Variants in SMC1B observed in about 807,000 individuals in gnomAD.
SMC1B encodes structural maintenance of chromosomes protein 1B.
In SMC1B, 60 loss-of-function variants were observed where a neutral mutation model predicts 157.9. That is an observed-to-expected ratio of 0.38 (90% CI 0.31 to 0.47). The LOEUF (loss-of-function observed/expected upper bound fraction) is 0.47, where lower values mean the gene tolerates loss of function less well. Ranked by LOEUF, SMC1B falls within the 20% of genes least tolerant of loss-of-function variation. SMC1B has a pLI of 0.99. For missense variants in SMC1B, 1,165 were observed against 1,426.2 expected, an observed-to-expected ratio of 0.82 and a Z score of 2.95; for synonymous variants, 445 against 483.0, an observed-to-expected ratio of 0.92 and a Z score of 1.03.
intron 4 of SMC1B, among the ~76,000 whole-genome samples, chr22:45,403,678 C>T (rs1398772268): frequency 2.0e-5 from 3 of 152,016 alleles, no homozygotes; most frequent in South Asian, 2.1e-4. Flanking sequence ...AGGCTAGTCT[C>T]GAACTCCTGG....
chr22:45,360,012 CAAGG>C, intron 17 of SMC1B, 54 bp from the exon 18 acceptor site: 5 of 1,379,918 alleles, frequency 3.6e-6, no homozygotes, highest in South Asian at 2.6e-5. Context: ...AACACTGCAC[CAAGG>C]AAGAAAAATG....
chr22:45,356,674 A>G (rs747285499), intron 19 of SMC1B, among the ~76,000 whole-genome samples: 12 of 151,934 alleles, frequency 7.9e-5, no homozygotes, highest in Non-Finnish European at 7.4e-5. Flanking sequence ...ATGAGAAACC[A>G]TAAATATCTC....
chr22:45,354,389 T>TGTATGTAA (rs1482009630), intron 20 of SMC1B, among the ~76,000 whole-genome samples: 1 of 151,990 alleles, frequency 6.6e-6, no homozygotes, highest in Non-Finnish European at 1.5e-5. Context: ...TATGTAAGTA[T>TGTATGTAA]GTATGTATGT....
chr22:45,365,713 A>G (rs1602058004), intron 15 of SMC1B, among the ~76,000 whole-genome samples: 1 of 152,188 alleles, frequency 6.6e-6, no homozygotes, highest in African/African-American at 2.4e-5. Flanking sequence ...ATTAATAAAG[A>G]TAAAATAAAA....
chr22:45,360,551 C>T lies in SMC1B; in HGVS notation c.2709-593G>A, dbSNP rs868850083. On this transcript the variant is annotated intron_variant, in intron 17 of 24. Coordinates refer to ENST00000357450, the MANE Select transcript of SMC1B (RefSeq NM_148674.5). ...TGTTTGGGCTGAGTGTGGTGGCTCA[C>T]GCCTGTAATCCAGCACTTTGGAAGG... Among the ~76,000 whole-genome samples, 8 of 152,014 alleles carry T rather than the reference C, an allele frequency of 5.3e-5. No individual in the cohort carries two copies. The South Asian group carries it at 1.0e-3, about 20-fold the overall frequency.
chr22:45,395,800 T>G (rs1345982605), intron 7 of SMC1B, among the ~76,000 whole-genome samples: 9 of 152,186 alleles, frequency 5.9e-5, no homozygotes, highest in Admixed American at 5.9e-4. Context: ...GAGGTTGTAG[T>G]GAACCGAGAT....
chr22:45,355,312 T>C (rs1340344371), intron 19 of SMC1B, among the ~76,000 whole-genome samples, 197 bp from the exon 20 acceptor site: 3 of 152,198 alleles, frequency 2.0e-5, no homozygotes, highest in Non-Finnish European at 4.4e-5. Context: ...GCTCTTTTCT[T>C]TGAACACATT....
chr22:45,363,105 CA>C, intron 15 of SMC1B, 79 bp from the exon 16 acceptor site: 1 of 1,059,484 alleles, frequency 9.4e-7, no homozygotes. Flanking sequence ...AAATTTCAAA[CA>C]AATATAAAAG....
chr22:45,409,351 G>A (rs2087301548), intron 1 of SMC1B, among the ~76,000 whole-genome samples: 1 of 152,068 alleles, frequency 6.6e-6, no homozygotes, highest in South Asian at 2.1e-4. Context: ...ATCACCTGAG[G>A]TCAAGAATTC....
rs969415202 is a variant in SMC1B at position 45,347,121 on chromosome 22, A to G, written c.3496-1552T>C. Reference sequence around the variant, plus strand: ...CCTCCTAAGGGGAGATTTCTCCCAGATGAGTCTGCCATGGAGTCCAGTCAT... The same window carrying G: ...CCTCCTAAGGGGAGATTTCTCCCAGGTGAGTCTGCCATGGAGTCCAGTCAT... On this transcript the variant is annotated intron_variant, in intron 23 of 24. Coordinates refer to ENST00000357450, the MANE Select transcript of SMC1B (RefSeq NM_148674.5). Among the ~76,000 whole-genome samples the G allele has an allele frequency of 2.0e-5, 3 of 152,314 alleles. No individual in the cohort carries two copies. In the East Asian group the frequency reaches 5.8e-4, roughly 29 times the overall value.
chr22:45,381,075 C>G (rs1039206378), intron 12 of SMC1B, among the ~76,000 whole-genome samples: 1 of 151,630 alleles, frequency 6.6e-6, no homozygotes, highest in South Asian at 2.1e-4. Context: ...GGATTACAGG[C>G]GTGAGCTACC....
intron 19 of SMC1B, among the ~76,000 whole-genome samples, chr22:45,355,981 A>AAT (rs1269876389): frequency 6.6e-6 from 1 of 152,214 alleles, no homozygotes; most frequent in Non-Finnish European, 1.5e-5. Context: ...GAGGCAGGAC[A>AAT]ATCGCTTGAA....
intron 19 of SMC1B, among the ~76,000 whole-genome samples, chr22:45,356,684 C>T (rs2086672697): frequency 6.6e-6 from 1 of 151,914 alleles, no homozygotes; most frequent in Non-Finnish European, 1.5e-5. Flanking sequence ...ATAAATATCT[C>T]CCCACGGAGT....
intron 5 of SMC1B, among the ~76,000 whole-genome samples, chr22:45,400,882 G>C (rs1283441697): frequency 6.6e-6 from 1 of 152,170 alleles, no homozygotes; most frequent in African/African-American, 2.4e-5. Flanking sequence ...CCCACAGTCT[G>C]TATCTTCAGT....
At chr22:45,369,581 C>T (rs1248147055) in intron 15 of SMC1B, among the ~76,000 whole-genome samples, 7 of 138,604 alleles carry the variant, frequency 5.1e-5, no homozygotes, top group African/African-American at 1.6e-4. Flanking sequence ...CTCGCTCCAT[C>T]GTCCAGGCTG....
intron 20 of SMC1B, among the ~76,000 whole-genome samples, chr22:45,354,377 T>C (rs2086649390): frequency 6.6e-6 from 1 of 151,972 alleles, no homozygotes; most frequent in African/African-American, 2.4e-5. Flanking sequence ...TATGTATGTA[T>C]GTATGTAAGT....
chr22:45,362,634 T>G (rs932942926), intron 16 of SMC1B, among the ~76,000 whole-genome samples: 1 of 152,172 alleles, frequency 6.6e-6, no homozygotes, highest in Non-Finnish European at 1.5e-5. Flanking sequence ...TTTTCTCTCC[T>G]TAACCTGCTG....
intron 4 of SMC1B, among the ~76,000 whole-genome samples, chr22:45,405,975 G>A (rs929045208): frequency 1.3e-5 from 2 of 151,986 alleles, no homozygotes; most frequent in African/African-American, 4.8e-5. Context: ...AATTGGTTGT[G>A]GAAAATACAG....
At chr22:45,354,857 TC>T in intron 20 of SMC1B, 101 bp downstream of exon 20, 3 of 1,082,794 alleles carry the variant, frequency 2.8e-6, no homozygotes, top group Non-Finnish European at 4.1e-6. Flanking sequence ...GAGGAAAAAA[TC>T]TATAACAAAA....
Sources: allele counts gnomAD v4.1 joint callset (sites outside exome capture counted in the v4.1 genomes callset), GRCh38; gene constraint gnomAD v4.1.1; transcripts MANE v1.5; gene names NCBI Gene and HGNC (gene_info 2026-07-23, HGNC 2026-07-21).